Variants in TRIM44 observed in about 807,000 individuals in gnomAD.
TRIM44 encodes tripartite motif containing 44.
A neutral mutation model predicts 37.4 loss-of-function variants in TRIM44; 13 were observed. The observed-to-expected ratio is 0.35, with a 90% CI of 0.23 to 0.55. The LOEUF is 0.55. Among genes scored for constraint, TRIM44 ranks in the 20% least tolerant of loss-of-function variants. The probability of loss-of-function intolerance (pLI) is 0.89; values close to 1 mark genes in which losing one functional copy is unlikely to be tolerated. For missense variants in TRIM44, 426 were observed against 437.2 expected, an observed-to-expected ratio of 0.97 and a Z score of 0.23; for synonymous variants, 175 against 157.2, an observed-to-expected ratio of 1.11 and a Z score of -0.85.
chr11:35,781,508 G>A (rs1158307583), intron 4 of TRIM44, among the ~76,000 whole-genome samples: 1 of 152,144 alleles, frequency 6.6e-6, no homozygotes, highest in African/African-American at 2.4e-5. Flanking sequence ...TGTATTCAGG[G>A]ATGGTCAGGA....
intron 2 of TRIM44, among the ~76,000 whole-genome samples, chr11:35,711,213 A>G (rs1851967374): frequency 6.6e-6 from 1 of 152,198 alleles, no homozygotes; most frequent in African/African-American, 2.4e-5. Context: ...ATCTCAATAA[A>G]ACTGTTGAAA....
At position 35,725,827 on chromosome 11, in the gene TRIM44, A is replaced by G. The variant is rs12222279; in HGVS notation, c.748-97A>G. The stretch of plus-strand genomic sequence containing the variant: ...AAAACTTTAGGATTGGATAGGATCC[A>G]TGGTGTGTATTTTGGCCAGGGCTGT... On this transcript the variant is annotated intron_variant, in intron 2 of 4. Transcript: ENST00000299413. 0.01 allele frequency: 13,432 copies of G among 1,325,598 alleles called. 960 individuals carry two copies. In the East Asian group the frequency reaches 0.16, roughly 16 times the overall value. The allele number at this position is 1,325,598 out of a possible 1,614,324, so 82.1% of individuals were successfully genotyped here.
chr11:35,787,142 G>A (rs1853141112), intron 4 of TRIM44, among the ~76,000 whole-genome samples: 1 of 152,190 alleles, frequency 6.6e-6, no homozygotes, highest in South Asian at 2.1e-4. Flanking sequence ...ATGGGGACGA[G>A]AGGAGGGAGC....
chr11:35,693,461 C>G (rs150188214), intron 2 of TRIM44, among the ~76,000 whole-genome samples: 222 of 152,082 alleles, frequency 1.5e-3, no homozygotes, highest in African/African-American at 5.1e-3. Context: ...GTAGTGGGTA[C>G]CTCTTTATGC....
rs1455347982 is a variant in TRIM44 at position 35,814,122 on chromosome 11, T to C, written c.*7737T>C. 1 of 152,244 alleles carries C rather than the reference T, an allele frequency of 6.6e-6. No individual in the cohort carries two copies. The highest frequency in any genetic ancestry group is 2.4e-5 in the African/African-American group (1 of 41,474). 9.4% of individuals were successfully genotyped at this position (152,244 alleles called of 1,614,324 possible). A position where few individuals can be genotyped will look rare whatever the true frequency, so the allele number is the denominator to read the frequency against. ...CCCATTTATTTTAGGCAATAGTCAT[T>C]CAACAAAATTGGAGCATAATAAAAA... On this transcript the variant is annotated 3_prime_UTR_variant, in exon 5 of 5. Coordinates refer to ENST00000299413, the MANE Select transcript of TRIM44 (RefSeq NM_017583.6).
chr11:35,796,201 T>C (rs954499496), intron 4 of TRIM44, among the ~76,000 whole-genome samples: 1 of 152,224 alleles, frequency 6.6e-6, no homozygotes, highest in Non-Finnish European at 1.5e-5. Flanking sequence ...CCAAAGCTAC[T>C]GAGAACTGTT....
chr11:35,677,210 T>G (rs1474758344), intron 1 of TRIM44, among the ~76,000 whole-genome samples: 1 of 152,198 alleles, frequency 6.6e-6, no homozygotes, highest in African/African-American at 2.4e-5. Context: ...AAAGTACATA[T>G]TCTTTCCACC....
At chr11:35,788,210 G>A (rs908565036) in intron 4 of TRIM44, among the ~76,000 whole-genome samples, 1 of 152,208 alleles carries the variant, frequency 6.6e-6, no homozygotes, top group Non-Finnish European at 1.5e-5. Flanking sequence ...CATGGAAGAC[G>A]TAGACTTAGG....
chr11:35,673,595 T>C (rs1246259580), intron 1 of TRIM44, among the ~76,000 whole-genome samples: 1 of 152,202 alleles, frequency 6.6e-6, no homozygotes, highest in African/African-American at 2.4e-5. Flanking sequence ...TAGCCAGTGG[T>C]CTGAACAATC....
intron 2 of TRIM44, among the ~76,000 whole-genome samples, chr11:35,693,205 A>G (rs1348455612): frequency 6.6e-6 from 1 of 152,220 alleles, no homozygotes; most frequent in Admixed American, 6.5e-5. Flanking sequence ...AATCTTGTCT[A>G]CCTATTAAGT....
intron 3 of TRIM44, 131 bp from the exon 4 acceptor site, chr11:35,735,295 G>C: frequency 1.2e-6 from 1 of 838,494 alleles, no homozygotes. Flanking sequence ...GATGTCTGTT[G>C]GTTTGTCTCT....
chr11:35,713,391 C>T (rs1227350119), intron 2 of TRIM44, among the ~76,000 whole-genome samples: 1 of 152,044 alleles, frequency 6.6e-6, no homozygotes, highest in African/African-American at 2.4e-5. Context: ...CTTTCTATGA[C>T]TTCTATATAG....
intron 2 of TRIM44, among the ~76,000 whole-genome samples, chr11:35,700,602 T>C (rs1851774899): frequency 6.6e-6 from 1 of 152,220 alleles, no homozygotes; most frequent in Non-Finnish European, 1.5e-5. Flanking sequence ...ATCTATGTCA[T>C]GTGTGGATTT....
intron 1 of TRIM44, among the ~76,000 whole-genome samples, chr11:35,684,354 A>AT (rs1394603087): frequency 6.6e-6 from 1 of 152,194 alleles, no homozygotes; most frequent in Non-Finnish European, 1.5e-5. Context: ...TTACTTTTTA[A>AT]TTGTGGCAGT....
At chr11:35,754,428 A>G (rs1373916503) in intron 4 of TRIM44, among the ~76,000 whole-genome samples, 1 of 151,892 alleles carries the variant, frequency 6.6e-6, no homozygotes, top group Non-Finnish European at 1.5e-5. Context: ...TACACCTCCT[A>G]CCTTTCTTTC....
intron 4 of TRIM44, among the ~76,000 whole-genome samples, chr11:35,767,085 C>T (rs1852807640): frequency 6.6e-6 from 1 of 152,162 alleles, no homozygotes; most frequent in Non-Finnish European, 1.5e-5. Flanking sequence ...TGTCATCAAG[C>T]ATGTGAAGTT....
At chr11:35,789,786 G>T (rs1330852933) in intron 4 of TRIM44, among the ~76,000 whole-genome samples, 1 of 152,146 alleles carries the variant, frequency 6.6e-6, no homozygotes, top group Non-Finnish European at 1.5e-5. Context: ...TTCTGCCTGG[G>T]CCCTGCAATT....
chr11:35,663,168 C>A lies in TRIM44; in HGVS notation c.57C>A (p.Asp19Glu). Residue 19 changes from aspartate (D) to glutamate (E), a missense_variant, in exon 1 of 5, where the codon GAC becomes GAA. Transcript: ENST00000299413. ...FEELPHDGTCDECEPDEAPGA... is the reference protein window; with the variant it reads ...FEELPHDGTCEECEPDEAPGA... ...AACTGCCTCACGACGGCACGTGTGA[C>A]GAGTGCGAGCCCGACGAGGCTCCGG... 1 of 1,565,412 alleles carries A rather than the reference C, an allele frequency of 6.4e-7. No homozygotes were observed. Among genetic ancestry groups the A allele is most frequent in the Non-Finnish European group, 8.7e-7 (1 of 1,155,982 alleles).
At chr11:35,803,769 A>G (rs1048811728) in intron 4 of TRIM44, among the ~76,000 whole-genome samples, 9 of 152,146 alleles carry the variant, frequency 5.9e-5, no homozygotes, top group African/African-American at 2.2e-4. Flanking sequence ...AGATGAGCTT[A>G]TATACAAAGT....
Sources: allele counts gnomAD v4.1 joint callset (sites outside exome capture counted in the v4.1 genomes callset), GRCh38; gene constraint gnomAD v4.1.1; transcripts MANE v1.5; gene names NCBI Gene and HGNC (gene_info 2026-07-23, HGNC 2026-07-21).